NETO2: variants seen among roughly 807,000 people sequenced by gnomAD.
The protein encoded by NETO2 is neuropilin and tolloid like 2.
In NETO2, 28 loss-of-function variants were observed where a neutral mutation model predicts 62.5. That is an observed-to-expected ratio of 0.45 (90% CI 0.33 to 0.61). The LOEUF (loss-of-function observed/expected upper bound fraction) is 0.61, where lower values mean the gene tolerates loss of function less well. Among genes scored for constraint, NETO2 ranks in the 20% least tolerant of loss-of-function variants. The pLI is 0.02. For missense variants in NETO2, 548 were observed against 643.2 expected (o/e 0.85, Z 1.60); for synonymous variants, 214 against 219.1 (o/e 0.98, Z 0.21).
At chr16:47,128,278 A>G in intron 4 of NETO2, 47 bp downstream of exon 4, 1 of 1,571,120 alleles carries the variant, frequency 6.4e-7, no homozygotes, top group South Asian at 1.2e-5. Context: ...CTAAAATCAG[A>G]GTTAGAGTGA....
intron 4 of NETO2, among the ~76,000 whole-genome samples, chr16:47,123,507 A>C (rs1207186670): frequency 6.6e-6 from 1 of 152,196 alleles, no homozygotes; most frequent in African/African-American, 2.4e-5. Flanking sequence ...CTTAAAAAAA[A>C]AAAGGTTAAA....
chr16:47,138,849 G>A (rs1297684273), intron 1 of NETO2, among the ~76,000 whole-genome samples: 1 of 152,204 alleles, frequency 6.6e-6, no homozygotes, highest in South Asian at 2.1e-4. Flanking sequence ...CTGGCCTTCC[G>A]AGCGCTCTCT....
In NETO2 at chr16:47,128,565, G is replaced by A. The variant is rs147710236; in HGVS notation, c.241C>T (p.Arg81Cys). 4 of 1,610,996 alleles carry A rather than the reference G, an allele frequency of 2.5e-6. No homozygotes were observed. Among genetic ancestry groups the A allele is most frequent in the African/African-American group, 1.3e-5 (1 of 74,990 alleles). ...ECIYILEAAP[R>C]QRIELTFDEH... ...TCAAAGGTCAACTCTATTCTTTGAC[G>A]TGGAGCAGCTAGAAAATAAGAGTAA... The change falls in exon 4 of 9, where the codon CGT becomes TGT. Residue 81 changes from arginine to cysteine, a missense_variant. Arg to Cys is a radical substitution (Grantham distance 180). Transcript: ENST00000562435.
chr16:47,122,729 T>G lies in NETO2; in HGVS notation c.582A>C (p.Glu194Asp). The G allele has an allele frequency of 6.2e-7, 1 of 1,614,160 alleles. No homozygotes were observed. Among genetic ancestry groups the G allele is most frequent in the Non-Finnish European group, 8.5e-7 (1 of 1,180,016 alleles). The change falls in exon 6 of 9, where the codon GAA becomes GAC. Residue 194 changes from glutamate to aspartate, a missense_variant. Glu to Asp is a conservative substitution (Grantham distance 45). Coordinates refer to ENST00000562435, the MANE Select transcript of NETO2 (RefSeq NM_018092.5). ...ADGIVRSSQV[E>D]QEEKTKPGQA... ...GGCCTGGTTTTGTTTTCTCCTCTTG[T>G]TCTACCTGACTAGAGCGCACTATTC...
intron 6 of NETO2, among the ~76,000 whole-genome samples, chr16:47,118,542 C>T (rs1963969195): frequency 6.6e-6 from 1 of 152,204 alleles, no homozygotes; most frequent in Non-Finnish European, 1.5e-5. Context: ...AGCCGGGATT[C>T]CCTCCATACT....
chr16:47,109,454 T>C (rs1302040939), intron 7 of NETO2, 29 bp downstream of exon 7: 2 of 1,512,148 alleles, frequency 1.3e-6, no homozygotes, highest in Non-Finnish European at 9.2e-7. Flanking sequence ...ATGTAAAAGA[T>C]CTCAATACTA....
intron 1 of NETO2, among the ~76,000 whole-genome samples, chr16:47,140,350 T>G (rs1252260340): frequency 6.6e-6 from 1 of 152,196 alleles, no homozygotes; most frequent in Non-Finnish European, 1.5e-5. Flanking sequence ...TACAGGAGCG[T>G]AAGTTGAAAA....
chr16:47,132,155 A>C, intron 1 of NETO2, 130 bp from the exon 2 acceptor site: 6 of 684,472 alleles, frequency 8.8e-6, no homozygotes, highest in Non-Finnish European at 1.0e-5. Context: ...ATTCACTCTC[A>C]AGATCTTTAA....
chr16:47,123,885 G>C (rs970782011), intron 4 of NETO2, among the ~76,000 whole-genome samples: 2 of 152,054 alleles, frequency 1.3e-5, no homozygotes, highest in African/African-American at 4.8e-5. Flanking sequence ...TTTTAGTAGA[G>C]GCAGAATTTC....
At chr16:47,143,507 G>C in intron 1 of NETO2, 72 bp downstream of exon 1, 1 of 1,213,638 alleles carries the variant, frequency 8.2e-7, no homozygotes, top group Non-Finnish European at 1.0e-6. Flanking sequence ...GGGACGCAGA[G>C]GCGCGGGCAG....
chr16:47,136,865 G>T (rs769023680), intron 1 of NETO2, among the ~76,000 whole-genome samples: 1 of 151,906 alleles, frequency 6.6e-6, no homozygotes, highest in Admixed American at 6.6e-5. Context: ...AAAAAAAGGT[G>T]AATTATGTAT....
chr16:47,120,934 G>A (rs1964026481), intron 6 of NETO2, among the ~76,000 whole-genome samples: 1 of 150,874 alleles, frequency 6.6e-6, no homozygotes, highest in African/African-American at 2.4e-5. Flanking sequence ...GATAGGCAAT[G>A]TGCCGACATG....
chr16:47,088,572 G>A (rs1333920141), intron 7 of NETO2, among the ~76,000 whole-genome samples: 1 of 151,972 alleles, frequency 6.6e-6, no homozygotes, highest in African/African-American at 2.4e-5. Flanking sequence ...TTTTTATACT[G>A]TTTTCAGAAG....
At chr16:47,143,526 G>T (rs1163327796) in intron 1 of NETO2, 53 bp downstream of exon 1, 1 of 1,217,886 alleles carries the variant, frequency 8.2e-7, no homozygotes, top group South Asian at 4.1e-5. Flanking sequence ...AGGGCGGCGC[G>T]CCAGCCTCGG....
In NETO2 at chr16:47,128,528, T is replaced by G; in HGVS notation, c.278A>C (p.Tyr93Ser). Residue 93 changes from tyrosine to serine, a missense_variant, in exon 4 of 9, where the codon TAT becomes TCT. Physicochemically the swap from Tyr to Ser is moderately radical, Grantham distance 144. Coordinates refer to ENST00000562435, the MANE Select transcript of NETO2 (RefSeq NM_018092.5). ...RIELTFDEHYYIEPSFECRFD... is the reference protein window; with the variant it reads ...RIELTFDEHYSIEPSFECRFD... ...CCGACACTCAAATGATGGTTCTATATAATAATGTTCATCAAAGGTCAACTC... is the reference window on the plus strand; with the variant it reads ...CCGACACTCAAATGATGGTTCTATAGAATAATGTTCATCAAAGGTCAACTC... 6.2e-7 allele frequency: 1 copy of G among 1,613,784 alleles called. No homozygotes were observed. Among genetic ancestry groups the G allele is most frequent in the Non-Finnish European group, 8.5e-7 (1 of 1,179,952 alleles).
At chr16:47,121,783 T>A (rs1964045727) in intron 6 of NETO2, among the ~76,000 whole-genome samples, 1 of 152,236 alleles carries the variant, frequency 6.6e-6, no homozygotes, top group African/African-American at 2.4e-5. Flanking sequence ...GCCAGGGGCA[T>A]CTGTAACATC....
Position 47,130,200 on chromosome 16 carries a change from C to T in NETO2, c.92-836G>A, listed in dbSNP as rs150307191. Among the ~76,000 whole-genome samples the T allele has an allele frequency of 7.4e-3, 1,132 of 152,258 alleles. 23 individuals carry two copies. Among genetic ancestry groups the T allele is most frequent in the South Asian group, 0.055 (263 of 4,822 alleles). ...TTTCCTGCTTAACTCCCACAAAGGC[C>T]TCCTGGTCAGATATTGAGCCTTTAA... On this transcript the variant is annotated intron_variant, in intron 2 of 8. Transcript: ENST00000562435.
chr16:47,107,503 A>G (rs1320759919), intron 7 of NETO2, among the ~76,000 whole-genome samples: 4 of 152,194 alleles, frequency 2.6e-5, no homozygotes, highest in Admixed American at 2.0e-4. Flanking sequence ...CTTTTTGTGT[A>G]TATTAGGATT....
chr16:47,121,623 T>C (rs980297020), intron 6 of NETO2, among the ~76,000 whole-genome samples: 13 of 152,228 alleles, frequency 8.5e-5, no homozygotes, highest in African/African-American at 2.7e-4. Context: ...ATCTATGCTT[T>C]CATGTGAGTT....
Sources: allele counts gnomAD v4.1 joint callset (sites outside exome capture counted in the v4.1 genomes callset), GRCh38; gene constraint gnomAD v4.1.1; transcripts MANE v1.5; gene names NCBI Gene and HGNC (gene_info 2026-07-23, HGNC 2026-07-21).